Variants in ATP11B observed in about 807,000 individuals in gnomAD.
ATP11B encodes the protein ATPase phospholipid transporting 11B (putative), also known as phospholipid-transporting ATPase IF.
ATP11B carries 81 observed loss-of-function variants against 157.8 expected under a neutral mutation model. That is an observed-to-expected ratio of 0.51 (90% CI 0.43 to 0.62). The LOEUF (loss-of-function observed/expected upper bound fraction) is 0.62, where lower values mean the gene tolerates loss of function less well. Ranked by LOEUF, ATP11B falls within the 20% of genes least tolerant of loss-of-function variation. ATP11B has a pLI of 0.00. For missense variants in ATP11B, 1,165 were observed against 1,402.2 expected (o/e 0.83, Z 2.70); for synonymous variants, 451 against 469.4 (o/e 0.96, Z 0.51).
rs141076813 is a variant in ATP11B, at chr3:182,813,489, G to A, written c.28-6771G>A. Among the ~76,000 whole-genome samples, 5 of 152,168 alleles carry A rather than the reference G, an allele frequency of 3.3e-5. No homozygotes were observed. The East Asian group carries it at 9.7e-4, about 29-fold the overall frequency. On this transcript the variant is annotated intron_variant, in intron 1 of 29. Coordinates refer to ENST00000323116, the MANE Select transcript of ATP11B (RefSeq NM_014616.3). ...TGGTTTTGATTTGTATTCCCCTAATGGAAGTTGATTTGTTTGACCTTCAGG... is the reference window on the plus strand; with the variant it reads ...TGGTTTTGATTTGTATTCCCCTAATAGAAGTTGATTTGTTTGACCTTCAGG...
At chr3:182,878,614 T>C (rs1475734390) in intron 19 of ATP11B, among the ~76,000 whole-genome samples, 1 of 152,210 alleles carries the variant, frequency 6.6e-6, no homozygotes, top group East Asian at 1.9e-4. Context: ...TTGCCCACTT[T>C]CCAGCAGTGA....
intron 8 of ATP11B, among the ~76,000 whole-genome samples, chr3:182,845,009 T>TTTTTTTTTTTTTGA (rs1560081876): frequency 8.9e-6 from 1 of 112,088 alleles, no homozygotes; most frequent in Non-Finnish European, 1.7e-5. Flanking sequence ...TTTTTTTATT[T>TTTTTTTTTTTTTGA]TTTTTTATTT....
Position 182,918,242 on chromosome 3 carries a change from T to C in ATP11B, c.*138T>C. ...AGTTCATACCCACTCAGAGTTATAA[T>C]GGCAAACAAACAGAAAGCATTAGTA... On this transcript the variant is annotated 3_prime_UTR_variant, in exon 30 of 30. Coordinates refer to ENST00000323116, the MANE Select transcript of ATP11B (RefSeq NM_014616.3). 1 of 1,257,358 alleles carries C rather than the reference T, an allele frequency of 8.0e-7. No homozygotes were observed. The allele number at this position is 1,257,358 out of a possible 1,614,324, so 77.9% of individuals were successfully genotyped here.
intron 1 of ATP11B, among the ~76,000 whole-genome samples, chr3:182,811,977 C>A (rs1490591785): frequency 6.6e-6 from 1 of 152,062 alleles, no homozygotes; most frequent in Non-Finnish European, 1.5e-5. Context: ...AAACAGGTTT[C>A]CAGCGTGTAA....
At chr3:182,917,664 G>A in intron 29 of ATP11B, 2 of 985,254 alleles carry the variant, frequency 2.0e-6, no homozygotes, top group Non-Finnish European at 2.4e-6. Context: ...GTTTGTTTTT[G>A]TAAACTGAAC....
intron 29 of ATP11B, chr3:182,917,760 CAT>C: frequency 2.0e-6 from 2 of 984,712 alleles, no homozygotes; most frequent in Non-Finnish European, 2.4e-6. Flanking sequence ...TGCTTTACTA[CAT>C]ATAGAAACTG....
At chr3:182,805,794 A>T (rs1032429246) in intron 1 of ATP11B, among the ~76,000 whole-genome samples, 3 of 151,798 alleles carry the variant, frequency 2.0e-5, no homozygotes, top group African/African-American at 4.8e-5. Context: ...CTTGTGTTTT[A>T]AAAAAAATTC....
Position 182,886,003 on chromosome 3 carries a change from C to A in ATP11B, c.2708C>A (p.Ser903Tyr). The change falls in exon 23 of 30, where the codon TCT becomes TAT. Residue 903 changes from serine (S) to tyrosine (Y), a missense_variant. This residue lies in a region of ATP11B where 737 missense variants were observed against 930.5 expected (regional missense o/e 0.79). Transcript: ENST00000323116. ...QFLYQFYCLF[S>Y]QQTLYDSVYL... is the part of the protein sequence containing the mutation. ...TTATATCAGTTCTACTGTTTGTTTTCTCAGCAAGTAAGTAAATAGAAACTT... is the reference window on the plus strand; with the variant it reads ...TTATATCAGTTCTACTGTTTGTTTTATCAGCAAGTAAGTAAATAGAAACTT... 6.7e-7 allele frequency: 1 copy of A among 1,484,632 alleles called. No individual in the cohort carries two copies. Among genetic ancestry groups the A allele is most frequent in the Non-Finnish European group, 8.9e-7 (1 of 1,125,950 alleles). 92.0% of individuals were successfully genotyped at this position (1,484,632 alleles called of 1,614,324 possible).
In ATP11B at chr3:182,857,971, A is replaced by C. The variant is rs560553065; in HGVS notation, c.945A>C (p.Glu315Asp). ...TILKYTWQAE[E>D]KWDEPWYNQK... The stretch of plus-strand genomic sequence containing the variant: ...TGAAGTATACATGGCAAGCTGAAGA[A>C]AAATGGGATGAACCTTGGTATAACC... Residue 315 changes from glutamate (E) to aspartate (D), a missense_variant, in exon 11 of 30, where the codon GAA becomes GAC. This residue lies in a region of ATP11B where 737 missense variants were observed against 930.5 expected (regional missense o/e 0.79). Transcript: ENST00000323116. 1.1e-5 allele frequency: 17 copies of C among 1,612,862 alleles called. 1 individual carries two copies. The South Asian group carries it at 1.9e-4, about 18-fold the overall frequency.
At chr3:182,812,458 C>A (rs973884828) in intron 1 of ATP11B, among the ~76,000 whole-genome samples, 13 of 152,232 alleles carry the variant, frequency 8.5e-5, no homozygotes, top group African/African-American at 2.9e-4. Flanking sequence ...GCAAAGAACT[C>A]AAATTTAGTG....
intron 2 of ATP11B, among the ~76,000 whole-genome samples, chr3:182,826,181 A>G (rs1373313570): frequency 6.6e-6 from 1 of 152,190 alleles, no homozygotes; most frequent in Non-Finnish European, 1.5e-5. Context: ...TTCACAATCT[A>G]TTATGTTTGT....
rs982881266 is a variant in ATP11B, at chr3:182,889,319, C to A, written c.2844-91C>A. 9.8e-6 allele frequency: 9 copies of A among 917,698 alleles called. No individual in the cohort carries two copies. The African/African-American group carries it at 1.2e-4, about 13-fold the overall frequency. The allele number at this position is 917,698 out of a possible 1,614,324, so 56.8% of individuals were successfully genotyped here. A position where few individuals can be genotyped will look rare whatever the true frequency, so the allele number is the denominator to read the frequency against. On this transcript the variant is annotated intron_variant, in intron 24 of 29. Coordinates refer to ENST00000323116, the MANE Select transcript of ATP11B (RefSeq NM_014616.3). Reference sequence around the variant, plus strand: ...AAGCAATTTTAAATTAAAAATCTATCTTGTTTTTTAATTATCATATTATAT... The same window carrying A: ...AAGCAATTTTAAATTAAAAATCTATATTGTTTTTTAATTATCATATTATAT...
rs543699002 is a variant in ATP11B, at chr3:182,884,456, G to A, written c.2510-297G>A. 3.9e-5 allele frequency among the ~76,000 whole-genome samples: 6 copies of A among 152,040 alleles called. No individual in the cohort carries two copies. The East Asian group carries it at 9.6e-4, about 24-fold the overall frequency. ...TTACCCAGTACTTGTGCTTATTAGT[G>A]TAATAATTGATGTTCCTGCTAAATC... is the stretch of plus-strand genomic sequence containing the variant. On this transcript the variant is annotated intron_variant, in intron 21 of 29. Coordinates refer to ENST00000323116, the MANE Select transcript of ATP11B (RefSeq NM_014616.3).
intron 3 of ATP11B, among the ~76,000 whole-genome samples, chr3:182,828,824 G>A (rs961572262): frequency 6.6e-6 from 1 of 151,570 alleles, no homozygotes; most frequent in Non-Finnish European, 1.5e-5. Flanking sequence ...TATAAATCAA[G>A]ATTTTAAAAT....
rs1577079150 is a variant in ATP11B at position 182,887,582 on chromosome 3, C to T, written c.2716-4C>T. The T allele has an allele frequency of 4.4e-6, 7 of 1,604,274 alleles. No individual in the cohort carries two copies. Among genetic ancestry groups the T allele is most frequent in the Admixed American group, 1.7e-5 (1 of 57,784 alleles). ...TCAACATTCCTACCAATTTCTCTTT[C>T]TAGACATTGTATGACAGCGTGTACC... On this transcript the variant is annotated splice_polypyrimidine_tract_variant and splice_region_variant and intron_variant, in intron 23 of 29. Coordinates refer to ENST00000323116, the MANE Select transcript of ATP11B (RefSeq NM_014616.3).
At position 182,829,179 on chromosome 3, in the gene ATP11B, T is replaced by C. The variant is rs187027748; in HGVS notation, c.235-493T>C. Among the ~76,000 whole-genome samples the C allele has an allele frequency of 8.8e-3, 1,340 of 152,284 alleles. 75 individuals carry two copies. The highest frequency in any genetic ancestry group is 0.081 in the Admixed American group (1,244 of 15,286). ...AGCTAAGATGAATTCAGCTTGTCCATGGAATAGAACAAATTTAATGGGCCT... is the reference window on the plus strand; with the variant it reads ...AGCTAAGATGAATTCAGCTTGTCCACGGAATAGAACAAATTTAATGGGCCT... On this transcript the variant is annotated intron_variant, in intron 3 of 29. Transcript: ENST00000323116.
intron 4 of ATP11B, among the ~76,000 whole-genome samples, chr3:182,833,178 A>G (rs758024065): frequency 9.2e-5 from 14 of 152,188 alleles, no homozygotes; most frequent in Non-Finnish European, 1.3e-4. Flanking sequence ...CTCATTTTCA[A>G]TTTGGGAATT....
Position 182,873,984 on chromosome 3 carries a change from T to C in ATP11B, c.2221T>C (p.Cys741Arg). ...ELINQKSDSECAEQLRQLARR... is the reference protein window; with the variant it reads ...ELINQKSDSERAEQLRQLARR... ...TATAAACCAGAAATCAGACAGCGAG[T>C]GTGCTGAACAATTGAGGCAGCTTGC... is the stretch of plus-strand genomic sequence containing the variant. The change falls in exon 19 of 30, where the codon TGT becomes CGT. Residue 741 changes from cysteine to arginine, a missense_variant. Cys to Arg is a radical substitution (Grantham distance 180). Transcript: ENST00000323116. 6.2e-7 allele frequency: 1 copy of C among 1,614,046 alleles called. No homozygotes were observed. Among genetic ancestry groups the C allele is most frequent in the Non-Finnish European group, 8.5e-7 (1 of 1,179,966 alleles).
intron 1 of ATP11B, among the ~76,000 whole-genome samples, chr3:182,801,054 G>A (rs930048668): frequency 1.3e-5 from 2 of 151,966 alleles, no homozygotes; most frequent in East Asian, 1.9e-4. Flanking sequence ...AATCCACTTC[G>A]GCCTCCCAGA....
Sources: allele counts gnomAD v4.1 joint callset (sites outside exome capture counted in the v4.1 genomes callset), GRCh38; gene constraint gnomAD v4.1.1; regional missense constraint gnomAD v4.1.1; transcripts MANE v1.5; gene names NCBI Gene and HGNC (gene_info 2026-07-23, HGNC 2026-07-21).